The following HPSE2 variants were observed in gnomAD, a reference collection of about 807,000 sequenced individuals.
HPSE2 encodes heparanase 2 (inactive).
A neutral mutation model predicts 60.5 loss-of-function variants in HPSE2; 38 were observed. That is an observed-to-expected ratio of 0.63 (90% CI 0.48 to 0.82). The LOEUF is 0.82. Among genes scored for constraint, HPSE2 ranks in the 40% least tolerant of loss-of-function variants. The probability of loss-of-function intolerance (pLI) is 0.00; values close to 1 mark genes in which losing one functional copy is unlikely to be tolerated. For synonymous variants in HPSE2, 295 were observed against 293.2 expected (o/e 1.01, Z -0.06); for missense variants, 713 against 740.4 (o/e 0.96, Z 0.43).
intron 3 of HPSE2, among the ~76,000 whole-genome samples, chr10:98,798,149 C>A (rs184840944): frequency 2.0e-5 from 3 of 152,050 alleles, no homozygotes; most frequent in African/African-American, 7.2e-5. Context: ...AAACCTCACA[C>A]TCCAGGAGAA....
At chr10:98,944,692 C>T (rs889302333) in intron 3 of HPSE2, among the ~76,000 whole-genome samples, 4 of 152,126 alleles carry the variant, frequency 2.6e-5, no homozygotes, top group African/African-American at 7.2e-5. Context: ...TCAAGGGACC[C>T]ACTAATTCTG....
chr10:99,302,573 T>C, the HPSE2 span, among the ~76,000 whole-genome samples: 11 of 152,022 alleles, frequency 7.2e-5, no homozygotes, highest in Admixed American at 3.3e-4. Flanking sequence ...ATGAGGAAAT[T>C]AATTGGGCAG....
the HPSE2 span, among the ~76,000 whole-genome samples, chr10:99,253,736 A>G: frequency 2.0e-5 from 3 of 152,168 alleles, no homozygotes; most frequent in Non-Finnish European, 4.4e-5. Flanking sequence ...TCCAGAATCT[A>G]TAAGGAACTT....
intron 3 of HPSE2, among the ~76,000 whole-genome samples, chr10:99,010,235 T>TTTGAA (rs1956981434): frequency 6.6e-6 from 1 of 152,268 alleles, no homozygotes; most frequent in African/African-American, 2.4e-5. Flanking sequence ...GTTTATTTTC[T>TTTGAA]ATTTTTTTAT....
chr10:99,199,752 T>C (rs541894348), intron 2 of HPSE2, among the ~76,000 whole-genome samples: 1 of 152,286 alleles, frequency 6.6e-6, no homozygotes, highest in South Asian at 2.1e-4. Context: ...TGCATTGGCA[T>C]TTCAAAGTCT....
chr10:98,711,391 G>A (rs910399375), intron 5 of HPSE2, among the ~76,000 whole-genome samples: 4 of 152,122 alleles, frequency 2.6e-5, no homozygotes, highest in Non-Finnish European at 5.9e-5. Flanking sequence ...GAGGAACTGA[G>A]GTTGAGAAGA....
intron 9 of HPSE2, among the ~76,000 whole-genome samples, chr10:98,606,872 C>T (rs1212137896): frequency 3.3e-5 from 5 of 152,100 alleles, no homozygotes; most frequent in African/African-American, 9.7e-5. Flanking sequence ...GTTCTATCAG[C>T]GGCTTATTTT....
rs1945467923 is a variant in HPSE2, at chr10:98,602,860, A to C, written c.1320+12044T>G. ...AGCTACAACTATACAAATTCTTAGAAGAAAAAATAGGAGTAGATCTTTGTG... is the reference window on the plus strand; with the variant it reads ...AGCTACAACTATACAAATTCTTAGACGAAAAAATAGGAGTAGATCTTTGTG... On this transcript the variant is annotated intron_variant, in intron 9 of 11. Transcript: ENST00000370552. 3.3e-5 allele frequency among the ~76,000 whole-genome samples: 5 copies of C among 152,350 alleles called. No homozygotes were observed. In the South Asian group the frequency reaches 1.0e-3, roughly 32 times the overall value.
At chr10:98,508,198 T>C (rs767319448) in intron 9 of HPSE2, among the ~76,000 whole-genome samples, 3 of 152,286 alleles carry the variant, frequency 2.0e-5, no homozygotes, top group Non-Finnish European at 2.9e-5. Flanking sequence ...CATTTATTAG[T>C]TGGAAAGGGA....
intron 2 of HPSE2, among the ~76,000 whole-genome samples, chr10:99,191,723 C>T (rs1262476205): frequency 6.6e-6 from 1 of 152,216 alleles, no homozygotes; most frequent in Non-Finnish European, 1.5e-5. Context: ...CAGACACCAA[C>T]GAACATCCAC....
intron 3 of HPSE2, among the ~76,000 whole-genome samples, chr10:98,965,515 A>G (rs1955791441): frequency 1.3e-5 from 2 of 151,972 alleles, no homozygotes; most frequent in Admixed American, 1.3e-4. Context: ...GGTCTCTTCT[A>G]CCTCTAAAGT....
chr10:98,556,931 C>T (rs768168630), intron 9 of HPSE2, among the ~76,000 whole-genome samples: 5 of 152,146 alleles, frequency 3.3e-5, no homozygotes, highest in Non-Finnish European at 7.3e-5. Flanking sequence ...TAGTAATTGT[C>T]CAGGCACGGT....
At chr10:98,624,373 C>T (rs1435729070) in intron 7 of HPSE2, among the ~76,000 whole-genome samples, 6 of 151,904 alleles carry the variant, frequency 3.9e-5, no homozygotes, top group Non-Finnish European at 4.4e-5. Context: ...CTAGAAGAAC[C>T]GCACAGAAAA....
rs759002534 is a variant in HPSE2 at position 98,665,021 on chromosome 10, G to A, written c.1005-23081C>T. 1.9e-4 allele frequency among the ~76,000 whole-genome samples: 29 copies of A among 152,266 alleles called. 1 individual carries two copies. Among genetic ancestry groups the A allele is most frequent in the South Asian group, 1.5e-3 (7 of 4,826 alleles). On this transcript the variant is annotated intron_variant, in intron 6 of 11. Coordinates refer to ENST00000370552, the MANE Select transcript of HPSE2 (RefSeq NM_021828.5). ...CAAGGAAACTCATTGAGATCCAGGA[G>A]AAAGTTGAAACCCAATCCAAGGAAT... is the stretch of plus-strand genomic sequence containing the variant.
intron 3 of HPSE2, chr10:99,048,291 G>T: frequency 2.2e-6 from 1 of 459,156 alleles, no homozygotes; most frequent in Non-Finnish European, 4.0e-6. Flanking sequence ...TCTCCACAAG[G>T]TGGAATGAAG....
At chr10:98,759,699 G>T (rs1278535642) in intron 3 of HPSE2, among the ~76,000 whole-genome samples, 1 of 151,902 alleles carries the variant, frequency 6.6e-6, no homozygotes, top group Non-Finnish European at 1.5e-5. Context: ...GCTTAGCTTT[G>T]TAATAATATT....
intron 2 of HPSE2, among the ~76,000 whole-genome samples, chr10:99,231,152 T>TA (rs980177774): frequency 2.6e-5 from 4 of 151,310 alleles, no homozygotes; most frequent in African/African-American, 4.8e-5. Flanking sequence ...TTCTGGCACT[T>TA]AAAAAAAAAT....
rs887777865 is a variant in HPSE2, at chr10:98,965,612, T to A, written c.610+178626A>T. Among the ~76,000 whole-genome samples the A allele has an allele frequency of 4.6e-5, 7 of 152,144 alleles. No homozygotes were observed. The South Asian group carries it at 1.4e-3, about 31-fold the overall frequency. ...CCCAAACAGAAATTCTTCCATTCTC[T>A]TGTGCCTCTCCTCTACACCTACACA... On this transcript the variant is annotated intron_variant, in intron 3 of 11. Transcript: ENST00000370552.
intron 3 of HPSE2, among the ~76,000 whole-genome samples, chr10:99,065,437 C>T (rs954629895): frequency 1.8e-4 from 27 of 151,466 alleles, no homozygotes; most frequent in Admixed American, 1.7e-3. Context: ...AAAAACAAAA[C>T]AAAACAAAGG....
Sources: gnomAD v4.1 joint callset for allele counts (sites outside exome capture counted in the v4.1 genomes callset) on GRCh38, gnomAD v4.1.1 for gene constraint, MANE v1.5 for transcripts, NCBI Gene and HGNC (gene_info 2026-07-23, HGNC 2026-07-21) for gene names.